Variants in DDX51 observed in about 807,000 individuals in gnomAD.
DDX51 encodes the protein DEAD-box helicase 51.
In DDX51, 67 loss-of-function variants were observed where a neutral mutation model predicts 74.6. That is an observed-to-expected ratio of 0.90 (90% CI 0.74 to 1.10). The LOEUF is 1.10. Ranked by LOEUF, DDX51 falls within the 50% of genes least tolerant of loss-of-function variation. The pLI is 0.00. For missense variants in DDX51, 1,056 were observed against 905.2 expected (o/e 1.17, Z -2.14); for synonymous variants, 545 against 402.9 (o/e 1.35, Z -4.22).
chr12:132,143,953 G>C, intron 1 of DDX51, 40 bp downstream of exon 1: 5 of 1,468,500 alleles, frequency 3.4e-6, no homozygotes, highest in Non-Finnish European at 4.5e-6. Context: ...GCACCGAGTC[G>C]CCGGCGCCCC....
In DDX51 at chr12:132,139,286, G is replaced by C. The variant is rs374092394; in HGVS notation, c.1987C>G (p.Gln663Glu). The change falls in exon 15 of 15, where the codon CAG becomes GAG. Residue 663 changes from glutamine (Q) to glutamate (E), a missense_variant. By Grantham distance (29) the Gln-to-Glu change is conservative (BLOSUM62 2). Transcript: ENST00000397333. ...LEESVKEERKQRAA is the reference protein window; with the variant it reads ...LEESVKEERKERAA ...TGAGCCCCAGCCTAGGCCGCCCTCT[G>C]CTTGCGCTCTTCCTGTGGAGGAAAG... 1 of 1,608,746 alleles carries C rather than the reference G, an allele frequency of 6.2e-7. No individual in the cohort carries two copies. Among genetic ancestry groups the C allele is most frequent in the African/African-American group, 1.3e-5 (1 of 74,834 alleles).
chr12:132,139,574 C>T (rs775925296), intron 14 of DDX51, 61 bp downstream of exon 14: 15 of 1,612,474 alleles, frequency 9.3e-6, no homozygotes, highest in South Asian at 5.5e-5. Context: ...CGTGTGGTGA[C>T]GACGCCCTCT....
rs1405601598 is a variant in DDX51, at chr12:132,142,280, C to T, written c.813G>A (p.Val271=). ...GAAAGGGGACCCTCACACAGACCTG[C>T]ACCACAGGGATGACGAAGGCCAGTG... ...GKTLAFVIPV[V]QALLSRVVCH... The change falls in exon 4 of 15, where the codon GTG becomes GTA. Residue 271 remains valine (V), a synonymous_variant. Transcript: ENST00000397333. 3 of 1,612,954 alleles carry T rather than the reference C, an allele frequency of 1.9e-6. No homozygotes were observed. Among genetic ancestry groups the T allele is most frequent in the South Asian group, 1.1e-5 (1 of 91,080 alleles).
chr12:132,143,566 C>T, intron 2 of DDX51, 129 bp downstream of exon 2: 1 of 1,261,516 alleles, frequency 7.9e-7, no homozygotes, highest in Non-Finnish European at 1.1e-6. Context: ...AACTGCAGAC[C>T]TGGCAGCGAG....
rs1364564146 is a variant in DDX51, at chr12:132,142,290, ATGACGAAGGCCAG to A, written c.790_802del (p.Leu264SerfsTer30). On this transcript the variant is annotated frameshift_variant, in exon 4 of 15. Transcript: ENST00000397333. LOFTEE classifies it high-confidence loss of function. ...CCTCACACAGACCTGCACCACAGGG[ATGACGAAGGCCAG>A]TGTCTTCCCACTGCCTGTTGGGGCA... 13 of 1,612,994 alleles carry A rather than the reference ATGACGAAGGCCAG, an allele frequency of 8.1e-6. No individual in the cohort carries two copies. The highest frequency in any genetic ancestry group is 1.3e-5 in the African/African-American group (1 of 74,934).
intron 11 of DDX51, 22 bp downstream of exon 11, chr12:132,140,401 T>G: frequency 6.2e-7 from 1 of 1,612,252 alleles, no homozygotes; most frequent in Non-Finnish European, 8.5e-7. Context: ...CACAGAGGCC[T>G]TGCCCCTGCC....
At chr12:132,141,713 G>A (rs933492194) in intron 6 of DDX51, 107 bp from the exon 7 acceptor site, 9 of 1,460,454 alleles carry the variant, frequency 6.2e-6, no homozygotes, top group Admixed American at 2.1e-5. Context: ...ATGGGAAGGG[G>A]GCCGGTGGGA....
rs1008389423 is a variant in DDX51 at position 132,140,364 on chromosome 12, C to T, written c.1673+59G>A. On this transcript the variant is annotated intron_variant, in intron 11 of 14. Coordinates refer to ENST00000397333, the MANE Select transcript of DDX51 (RefSeq NM_175066.4). The stretch of plus-strand genomic sequence containing the variant: ...GAAGCACCTTTTAGAGAGCCCCAGG[C>T]TGACCCTGGAGTGGGCACCCCCACC... The T allele has an allele frequency of 7.5e-6, 12 of 1,595,888 alleles. No individual in the cohort carries two copies. In the African/African-American group the frequency reaches 1.1e-4, roughly 14 times the overall value.
chr12:132,138,953 G>A lies in DDX51; in HGVS notation c.*319C>T, dbSNP rs148702292. 114 of 409,182 alleles carry A rather than the reference G, an allele frequency of 2.8e-4. 1 individual carries two copies. In the East Asian group the frequency reaches 4.2e-3, roughly 15 times the overall value. 25.3% of individuals were successfully genotyped at this position (409,182 alleles called of 1,614,324 possible). A position where few individuals can be genotyped will look rare whatever the true frequency, so the allele number is the denominator to read the frequency against. On this transcript the variant is annotated 3_prime_UTR_variant, in exon 15 of 15. Transcript: ENST00000397333. ...TTTTTAACATTAGCTCAAGGTTAAT[G>A]CCCCCAACTCTCAGCAAAAGCATGA...
chr12:132,140,224 G>A, intron 11 of DDX51, 25 bp from the exon 12 acceptor site: 2 of 1,603,802 alleles, frequency 1.2e-6, no homozygotes, highest in Non-Finnish European at 1.7e-6. Flanking sequence ...AGCATTGTGG[G>A]CCCGACGTGC....
chr12:132,142,683 G>A (rs1345802788), intron 3 of DDX51, 45 bp downstream of exon 3: 2 of 1,604,062 alleles, frequency 1.2e-6, no homozygotes, highest in Admixed American at 3.3e-5. Flanking sequence ...GTGTGTGGGT[G>A]CCCAGGGAGG....
intron 2 of DDX51, 49 bp from the exon 3 acceptor site, chr12:132,142,927 G>A (rs1043914793): frequency 4.4e-6 from 7 of 1,607,442 alleles, no homozygotes; most frequent in African/African-American, 2.7e-5. Flanking sequence ...CCAGGCTCTC[G>A]CGCAGAAGCC....
At chr12:132,143,193 G>C (rs553737464) in intron 2 of DDX51, 1 of 439,106 alleles carries the variant, frequency 2.3e-6, no homozygotes, top group South Asian at 2.1e-5. Flanking sequence ...GCCTCTGCCT[G>C]GCACCCCCAA....
At position 132,143,983 on chromosome 12, in the gene DDX51, C is replaced by T. The variant is rs1897594574; in HGVS notation, c.304+10G>A. 4.3e-6 allele frequency: 6 copies of T among 1,411,290 alleles called. No homozygotes were observed. Among genetic ancestry groups the T allele is most frequent in the Non-Finnish European group, 5.5e-6 (6 of 1,090,032 alleles). The allele number at this position is 1,411,290 out of a possible 1,614,324, so 87.4% of individuals were successfully genotyped here. Reference sequence around the variant, plus strand: ...CGCCCCAGAGGGAGCCCGCTCGCCCCGCGGCCCACCTGCGCCCGCGTCCTC... The same window carrying T: ...CGCCCCAGAGGGAGCCCGCTCGCCCTGCGGCCCACCTGCGCCCGCGTCCTC... On this transcript the variant is annotated intron_variant, in intron 1 of 14. Coordinates refer to ENST00000397333, the MANE Select transcript of DDX51 (RefSeq NM_175066.4).
At chr12:132,140,810 C>T (rs1897425371) in intron 9 of DDX51, 21 bp downstream of exon 9, 2 of 1,613,256 alleles carry the variant, frequency 1.2e-6, no homozygotes, top group Non-Finnish European at 1.7e-6. Flanking sequence ...CAACCCTCTG[C>T]CCACACGGTA....
chr12:132,139,970 A>G, intron 12 of DDX51, 46 bp from the exon 13 acceptor site: 10 of 1,612,248 alleles, frequency 6.2e-6, no homozygotes, highest in Non-Finnish European at 8.5e-6. Flanking sequence ...TGAGCCTTCA[A>G]GAGTCTGACG....
rs916649174 is a variant in DDX51 at position 132,139,091 on chromosome 12, G to C, written c.*181C>G. On this transcript the variant is annotated 3_prime_UTR_variant, in exon 15 of 15. Coordinates refer to ENST00000397333, the MANE Select transcript of DDX51 (RefSeq NM_175066.4). Reference sequence around the variant, plus strand: ...GTGACAAGCCCTGAAGTCTCCAGTCGGGGCAGGTGCTTGAGCTCTGACGCC... The same window carrying C: ...GTGACAAGCCCTGAAGTCTCCAGTCCGGGCAGGTGCTTGAGCTCTGACGCC... 9 of 812,316 alleles carry C rather than the reference G, an allele frequency of 1.1e-5. No homozygotes were observed. The highest frequency in any genetic ancestry group is 1.7e-5 in the Non-Finnish European group (9 of 521,816). 50.3% of individuals were successfully genotyped at this position (812,316 alleles called of 1,614,324 possible).
Position 132,141,900 on chromosome 12 carries a change from A to G in DDX51, c.945T>C (p.Val315=), listed in dbSNP as rs1897478623. Residue 315 remains valine, a synonymous_variant, in exon 6 of 15, where the codon GTT becomes GTC. Coordinates refer to ENST00000397333, the MANE Select transcript of DDX51 (RefSeq NM_175066.4). ...TDATPLRVSL[V]TGQKSLAKEQ... The stretch of plus-strand genomic sequence containing the variant: ...CCTTGGCCAGAGACTTCTGTCCCGT[A>G]ACCAGGGAGACTCTCAGAGGTGTGG... The G allele has an allele frequency of 6.2e-7, 1 of 1,613,120 alleles. No individual in the cohort carries two copies. The highest frequency in any genetic ancestry group is 1.7e-5 in the Admixed American group (1 of 60,004).
rs766827646 is a variant in DDX51 at position 132,139,293 on chromosome 12, C to T, written c.1980G>A (p.Glu660=). 3 of 1,609,064 alleles carry T rather than the reference C, an allele frequency of 1.9e-6. No homozygotes were observed. Among genetic ancestry groups the T allele is most frequent in the Non-Finnish European group, 1.7e-6 (2 of 1,178,792 alleles). Reference sequence around the variant, plus strand: ...CAGCCTAGGCCGCCCTCTGCTTGCGCTCTTCCTGTGGAGGAAAGGGGAGGG... The same window carrying T: ...CAGCCTAGGCCGCCCTCTGCTTGCGTTCTTCCTGTGGAGGAAAGGGGAGGG... ...LSQLEESVKE[E]RKQRAA is the part of the protein sequence containing the mutation. The change falls in exon 15 of 15, where the codon GAG becomes GAA. Residue 660 remains glutamate (E), a synonymous_variant. Coordinates refer to ENST00000397333, the MANE Select transcript of DDX51 (RefSeq NM_175066.4).
Sources: allele counts gnomAD v4.1 joint callset, GRCh38; gene constraint gnomAD v4.1.1; transcripts MANE v1.5; gene names NCBI Gene and HGNC (gene_info 2026-07-23, HGNC 2026-07-21).